Variants in MED27 observed in about 807,000 individuals in gnomAD.
The protein encoded by MED27 is mediator complex subunit 27.
MED27 carries 30 observed loss-of-function variants against 38.2 expected under a neutral mutation model. The ratio of observed to expected loss-of-function variants is 0.79; its 90% CI spans 0.59 to 1.07. The LOEUF is 1.07. Among genes scored for constraint, MED27 ranks in the 50% least tolerant of loss-of-function variants. The probability of loss-of-function intolerance (pLI) is 0.00; values close to 1 mark genes in which losing one functional copy is unlikely to be tolerated. For missense variants in MED27, 289 were observed against 397.5 expected (o/e 0.73, Z 2.32); for synonymous variants, 122 against 153.5 (o/e 0.79, Z 1.52).
At chr9:131,864,258 G>T (rs1838699291) in intron 6 of MED27, among the ~76,000 whole-genome samples, 1 of 152,122 alleles carries the variant, frequency 6.6e-6, no homozygotes, top group Admixed American at 6.5e-5. Context: ...AGTCAGGGGG[G>T]ATCACTTGGG....
intron 2 of MED27, among the ~76,000 whole-genome samples, chr9:132,022,284 T>C (rs1031571602): frequency 6.6e-6 from 1 of 152,196 alleles, no homozygotes; most frequent in Non-Finnish European, 1.5e-5. Flanking sequence ...TCCATTTGCA[T>C]ATTATACTTC....
intron 2 of MED27, among the ~76,000 whole-genome samples, chr9:132,017,759 T>G (rs2131081513): frequency 6.6e-6 from 1 of 152,326 alleles, no homozygotes; most frequent in African/African-American, 2.4e-5. Context: ...ACTTTCTATT[T>G]TCTATGAATG....
intron 4 of MED27, among the ~76,000 whole-genome samples, chr9:131,895,016 G>C (rs936553699): frequency 2.0e-5 from 3 of 152,118 alleles, no homozygotes; most frequent in Non-Finnish European, 2.9e-5. Flanking sequence ...ACCATGTTGC[G>C]ATGTTTGTGA....
chr9:131,953,851 C>CT (rs1177483180), intron 3 of MED27, among the ~76,000 whole-genome samples: 1 of 140,478 alleles, frequency 7.1e-6, no homozygotes, highest in Non-Finnish European at 1.5e-5. Context: ...GAGTCTCTGT[C>CT]TGTCACCCAG....
At chr9:132,019,102 C>T (rs1316508413) in intron 2 of MED27, among the ~76,000 whole-genome samples, 1 of 152,196 alleles carries the variant, frequency 6.6e-6, no homozygotes, top group Non-Finnish European at 1.5e-5. Flanking sequence ...AAGCACAAAG[C>T]TCCGGTCTGT....
At chr9:132,078,010 A>T (rs914712468) in intron 1 of MED27, among the ~76,000 whole-genome samples, 1 of 152,258 alleles carries the variant, frequency 6.6e-6, no homozygotes, top group South Asian at 2.1e-4. Context: ...AATGATGATT[A>T]TTTATCATTC....
rs748486629 is a variant in MED27 at position 131,868,823 on chromosome 9, C to T, written c.724-5683G>A. Reference sequence around the variant, plus strand: ...GTAAGTCTTTGGGAAGCTACAGTTCCGACGCCAGGCACAGGCTGGGAGATT... The same window carrying T: ...GTAAGTCTTTGGGAAGCTACAGTTCTGACGCCAGGCACAGGCTGGGAGATT... On this transcript the variant is annotated intron_variant, in intron 6 of 7. Transcript: ENST00000292035. The T allele has an allele frequency of 3.6e-5, 35 of 985,334 alleles. No homozygotes were observed. In the African/African-American group the frequency reaches 4.2e-4, roughly 12 times the overall value. The allele number at this position is 985,334 out of a possible 1,614,324, so 61.0% of individuals were successfully genotyped here. A position where few individuals can be genotyped will look rare whatever the true frequency, so the allele number is the denominator to read the frequency against.
chr9:132,008,913 T>C (rs1472118470), intron 3 of MED27, among the ~76,000 whole-genome samples: 1 of 152,226 alleles, frequency 6.6e-6, no homozygotes, highest in African/African-American at 2.4e-5. Flanking sequence ...TGTAAGCCTA[T>C]GCAAGAAAGC....
chr9:131,884,590 C>A (rs907085037), intron 5 of MED27, among the ~76,000 whole-genome samples: 1 of 151,176 alleles, frequency 6.6e-6, no homozygotes, highest in Non-Finnish European at 1.5e-5. Context: ...GTACCTGTTA[C>A]CTTGATTCTC....
intron 3 of MED27, among the ~76,000 whole-genome samples, chr9:132,014,078 C>T (rs112359104): frequency 1.1e-4 from 16 of 150,848 alleles, no homozygotes; most frequent in East Asian, 2.0e-4. Flanking sequence ...TGGTGGTGTG[C>T]GCTTGTAATC....
intron 6 of MED27, among the ~76,000 whole-genome samples, chr9:131,867,159 T>C (rs1455112235): frequency 1.3e-5 from 2 of 152,202 alleles, no homozygotes; most frequent in African/African-American, 4.8e-5. Context: ...CCTCAGGTCA[T>C]GTGTGCAGAC....
intron 3 of MED27, among the ~76,000 whole-genome samples, chr9:131,973,928 TG>T (rs1385592969): frequency 2.0e-5 from 3 of 151,884 alleles, no homozygotes; most frequent in Non-Finnish European, 4.4e-5. Flanking sequence ...ATAGCCGGGA[TG>T]GTCTTGATCT....
At chr9:131,966,245 C>T (rs1204944594) in intron 3 of MED27, among the ~76,000 whole-genome samples, 4 of 143,544 alleles carry the variant, frequency 2.8e-5, no homozygotes, top group Admixed American at 7.1e-5. Flanking sequence ...ACTGATTTGC[C>T]AGGCATGGTG....
At chr9:131,920,584 A>C (rs1175709967) in intron 4 of MED27, among the ~76,000 whole-genome samples, 1 of 152,268 alleles carries the variant, frequency 6.6e-6, no homozygotes, top group Non-Finnish European at 1.5e-5. Flanking sequence ...CATAACAATA[A>C]GGAAATCATA....
At chr9:131,892,428 T>C (rs987509843) in intron 5 of MED27, among the ~76,000 whole-genome samples, 2 of 152,196 alleles carry the variant, frequency 1.3e-5, no homozygotes, top group African/African-American at 4.8e-5. Context: ...TCATGCAAAG[T>C]AGGTAAATTT....
chr9:132,071,264 C>T (rs1160453692), intron 2 of MED27, among the ~76,000 whole-genome samples: 4 of 151,868 alleles, frequency 2.6e-5, no homozygotes, highest in Admixed American at 6.6e-5. Context: ...CTGGAGCCTA[C>T]GCTCTGAACC....
chr9:132,076,736 C>A (rs145517973), intron 2 of MED27, among the ~76,000 whole-genome samples: 4 of 152,292 alleles, frequency 2.6e-5, no homozygotes, highest in African/African-American at 9.6e-5. Flanking sequence ...CACACATGTA[C>A]GCCACACCAC....
At chr9:131,986,933 T>G (rs775739623) in intron 3 of MED27, among the ~76,000 whole-genome samples, 65 of 148,944 alleles carry the variant, frequency 4.4e-4, no homozygotes, top group Non-Finnish European at 8.5e-4. Context: ...ATCCCTTGAC[T>G]CACTGCATTT....
intron 3 of MED27, among the ~76,000 whole-genome samples, chr9:131,954,479 A>T (rs1259438563): frequency 1.3e-5 from 2 of 152,194 alleles, no homozygotes; most frequent in Non-Finnish European, 2.9e-5. Context: ...TGCCCTGAAC[A>T]AACTTTTAGA....
Sources: allele counts gnomAD v4.1 joint callset (sites outside exome capture counted in the v4.1 genomes callset), GRCh38; gene constraint gnomAD v4.1.1; transcripts MANE v1.5; gene names NCBI Gene and HGNC (gene_info 2026-07-23, HGNC 2026-07-21).